Variants in NMS observed in about 807,000 individuals in gnomAD.
NMS encodes the protein neuromedin S.
A neutral mutation model predicts 32.2 loss-of-function variants in NMS; 30 were observed. The ratio of observed to expected loss-of-function variants is 0.93; its 90% CI spans 0.70 to 1.26. NMS has a LOEUF of 1.26. NMS is among the 50% of genes most tolerant of loss of function. NMS has a pLI of 0.00. For missense variants in NMS, 190 were observed against 186.3 expected (o/e 1.02, Z -0.12); for synonymous variants, 76 against 58.5 (o/e 1.30, Z -1.37).
intron 4 of NMS, 29 bp downstream of exon 4, chr2:100,477,296 C>G: frequency 6.2e-7 from 1 of 1,610,476 alleles, no homozygotes; most frequent in Non-Finnish European, 8.5e-7. Flanking sequence ...TGTACAAGTG[C>G]ATGCAGCTTC....
At position 100,480,493 on chromosome 2, in the gene NMS, C is replaced by G. The variant is rs376350544; in HGVS notation, c.337-3C>G. 6.2e-7 allele frequency: 1 copy of G among 1,613,472 alleles called. No individual in the cohort carries two copies. Among genetic ancestry groups the G allele is most frequent in the African/African-American group, 1.3e-5 (1 of 74,902 alleles). The stretch of plus-strand genomic sequence containing the variant: ...AATTAACCTGTGCCTCATTTCCTTG[C>G]AGGGCTCGGGGACTGCTGCAGTGGA... On this transcript the variant is annotated splice_polypyrimidine_tract_variant and splice_region_variant and intron_variant, in intron 6 of 9. Transcript: ENST00000376865.
intron 3 of NMS, among the ~76,000 whole-genome samples, chr2:100,474,511 C>A (rs1018822390): frequency 2.6e-5 from 4 of 152,202 alleles, no homozygotes; most frequent in African/African-American, 9.7e-5. Flanking sequence ...AACAAAAATA[C>A]CTGGTTTCAA....
Position 100,483,232 on chromosome 2 carries a change from T to C in NMS, c.450-20T>C. 6.2e-7 allele frequency: 1 copy of C among 1,609,894 alleles called. No individual in the cohort carries two copies. The highest frequency in any genetic ancestry group is 2.2e-5 in the East Asian group (1 of 44,830). On this transcript the variant is annotated intron_variant, in intron 9 of 9. Transcript: ENST00000376865. ...AGAATGATTTGAACTGAGCAGTGCATTTTTCTTTTCTTTTTTTAGGATTCA... is the reference window on the plus strand; with the variant it reads ...AGAATGATTTGAACTGAGCAGTGCACTTTTCTTTTCTTTTTTTAGGATTCA...
chr2:100,470,495 C>T lies in NMS; in HGVS notation c.7C>T (p.His3Tyr), dbSNP rs774054162. The T allele has an allele frequency of 2.5e-6, 4 of 1,613,574 alleles. No individual in the cohort carries two copies. The highest frequency in any genetic ancestry group is 4.5e-5 in the East Asian group (2 of 44,874). Reference protein sequence around the residue: MKHLRPQFPLILA... With the variant: MKYLRPQFPLILA... ...GAGAAACCAGACTCTCACAATGAAA[C>T]ATCTTCGTCCCCAGTTCCCTCTCAT... is the stretch of plus-strand genomic sequence containing the variant. The change falls in exon 1 of 10, where the codon CAT becomes TAT. Residue 3 changes from histidine (H) to tyrosine (Y), a missense_variant. Coordinates refer to ENST00000376865, the MANE Select transcript of NMS (RefSeq NM_001011717.1).
At chr2:100,481,079 G>T in intron 7 of NMS, 47 bp from the exon 8 acceptor site, 1 of 1,594,708 alleles carries the variant, frequency 6.3e-7, no homozygotes, top group Non-Finnish European at 8.6e-7. Context: ...TGAAGAACTT[G>T]TAATGCAATA....
At chr2:100,478,054 G>A (rs1280987779) in intron 5 of NMS, among the ~76,000 whole-genome samples, 2 of 151,808 alleles carry the variant, frequency 1.3e-5, no homozygotes, top group South Asian at 2.1e-4. Flanking sequence ...CTCCGCCTCC[G>A]GGGTTCAAGT....
At chr2:100,481,712 G>C (rs1393534687) in intron 8 of NMS, among the ~76,000 whole-genome samples, 3 of 152,200 alleles carry the variant, frequency 2.0e-5, no homozygotes, top group Admixed American at 2.0e-4. Context: ...GCGCTAAAAA[G>C]TATTCTGCAA....
intron 1 of NMS, 79 bp from the exon 2 acceptor site, chr2:100,472,716 G>C (rs754644913): frequency 1.3e-4 from 114 of 903,992 alleles, no homozygotes; most frequent in Admixed American, 2.0e-4. Context: ...CAGAATGTCT[G>C]TTTTTCATGA....
Position 100,473,022 on chromosome 2 carries a change from T to C in NMS, c.132+172T>C, listed in dbSNP as rs76025740. ...AGGCATCCTGAGGGTTGTGTTGAAA[T>C]TCACTACCACTGTGTGAGAAAATAA... is the stretch of plus-strand genomic sequence containing the variant. On this transcript the variant is annotated intron_variant, in intron 2 of 9. Transcript: ENST00000376865. Among the ~76,000 whole-genome samples, 166 of 152,320 alleles carry C rather than the reference T, an allele frequency of 1.1e-3. 3 individuals are homozygous for C. In the East Asian group the frequency reaches 0.028, roughly 25 times the overall value.
chr2:100,482,425 G>A (rs112866907), intron 9 of NMS, 114 bp downstream of exon 9: 12 of 1,013,192 alleles, frequency 1.2e-5, no homozygotes, highest in African/African-American at 8.0e-5. Flanking sequence ...CAAGAAATGA[G>A]GACCCTTCAT....
chr2:100,478,048 G>A (rs1361301837), intron 5 of NMS, among the ~76,000 whole-genome samples: 2 of 152,176 alleles, frequency 1.3e-5, no homozygotes, highest in African/African-American at 2.4e-5. Context: ...TGCAACCTCC[G>A]CCTCCGGGGT....
chr2:100,473,439 TCTTCATCCC>T, intron 2 of NMS, 41 bp from the exon 3 acceptor site: 1 of 1,104,562 alleles, frequency 9.1e-7, no homozygotes, highest in Non-Finnish European at 1.3e-6. Flanking sequence ...TCAATCTCTC[TCTTCATCCC>T]CCTCATCCCT....
intron 9 of NMS, 70 bp from the exon 10 acceptor site, chr2:100,483,182 G>A: frequency 7.4e-7 from 1 of 1,359,958 alleles, no homozygotes; most frequent in Non-Finnish European, 1.0e-6. Flanking sequence ...ATAATAACCT[G>A]CCCATGGGCT....
Position 100,479,443 on chromosome 2 carries a change from C to G in NMS, c.336+16C>G. On this transcript the variant is annotated intron_variant, in intron 6 of 9. Coordinates refer to ENST00000376865, the MANE Select transcript of NMS (RefSeq NM_001011717.1). ...TCTGCAGCGAGTACGTGCTTTTATT[C>G]TTCCACCATAGTTTATGCCCCTCAC... The G allele has an allele frequency of 6.2e-7, 1 of 1,604,312 alleles. No homozygotes were observed. The highest frequency in any genetic ancestry group is 8.5e-7 in the Non-Finnish European group (1 of 1,174,302).
At chr2:100,472,907 A>T (rs559068259) in intron 2 of NMS, 57 bp downstream of exon 2, 1 of 1,041,036 alleles carries the variant, frequency 9.6e-7, no homozygotes, top group East Asian at 2.4e-5. Flanking sequence ...TGAATACATC[A>T]TGTGTATAAT....
At chr2:100,478,623 C>T (rs1238385086) in intron 5 of NMS, among the ~76,000 whole-genome samples, 2 of 152,144 alleles carry the variant, frequency 1.3e-5, no homozygotes, top group Non-Finnish European at 2.9e-5. Context: ...TGCCACCACA[C>T]CTGGCTAATT....
At chr2:100,473,844 T>C (rs1677051355) in intron 3 of NMS, among the ~76,000 whole-genome samples, 1 of 152,146 alleles carries the variant, frequency 6.6e-6, no homozygotes, top group Non-Finnish European at 1.5e-5. Flanking sequence ...TATACCATGA[T>C]ATAGCAGTTC....
chr2:100,479,337 C>T lies in NMS; in HGVS notation c.262-16C>T, dbSNP rs750683234. ...ATGTCCCCCTGTCTGACCCTCTCCG[C>T]GCCTGTCTGTTGCAGTTTCCTCCAG... On this transcript the variant is annotated splice_polypyrimidine_tract_variant and intron_variant, in intron 5 of 9. Transcript: ENST00000376865. 5 of 1,600,284 alleles carry T rather than the reference C, an allele frequency of 3.1e-6. No homozygotes were observed. Among genetic ancestry groups the T allele is most frequent in the South Asian group, 1.1e-5 (1 of 88,894 alleles).
chr2:100,477,829 G>A (rs751138206), intron 5 of NMS, among the ~76,000 whole-genome samples: 3 of 152,090 alleles, frequency 2.0e-5, no homozygotes, highest in Non-Finnish European at 2.9e-5. Flanking sequence ...CGTGGCTGTC[G>A]CGATGTGTAT....
Sources: gnomAD v4.1 joint callset for allele counts (sites outside exome capture counted in the v4.1 genomes callset) on GRCh38, gnomAD v4.1.1 for gene constraint, MANE v1.5 for transcripts, NCBI Gene and HGNC (gene_info 2026-07-23, HGNC 2026-07-21) for gene names.